The following CTNNBIP1 variants were observed in gnomAD, a reference collection of about 807,000 sequenced individuals.
The protein encoded by CTNNBIP1 is beta-catenin-interacting protein 1.
Under a neutral mutation model 11.8 loss-of-function variants are expected in CTNNBIP1, and 7 were observed. The ratio of observed to expected loss-of-function variants is 0.60; its 90% CI spans 0.34 to 1.12. CTNNBIP1 has a LOEUF of 1.12. Ranked by LOEUF, CTNNBIP1 falls within the 50% of genes most tolerant of loss-of-function variation. CTNNBIP1 has a pLI of 0.03. For missense variants in CTNNBIP1, 101 were observed against 113.4 expected (o/e 0.89, Z 0.50); for synonymous variants, 58 against 43.9 (o/e 1.32, Z -1.26).
rs113692145 is a variant in CTNNBIP1, at chr1:9,851,057, G to A, written c.188-281C>T. ...ACACAGCTGACAGGTGAGCCATGACGAGGCCCCAGGTGACCTGGAGCAGGG... is the reference window on the plus strand; with the variant it reads ...ACACAGCTGACAGGTGAGCCATGACAAGGCCCCAGGTGACCTGGAGCAGGG... On this transcript the variant is annotated intron_variant, in intron 5 of 5. Coordinates refer to ENST00000377263, the MANE Select transcript of CTNNBIP1 (RefSeq NM_020248.3). The surrounding 1 kb of genome is among the most constrained non-coding windows in gnomAD (Gnocchi z 4.8). Among the ~76,000 whole-genome samples the A allele has an allele frequency of 8.9e-3, 1,363 of 152,298 alleles. 19 individuals are homozygous for A. Among genetic ancestry groups the A allele is most frequent in the African/African-American group, 0.03 (1,258 of 41,544 alleles).
chr1:9,894,191 G>C (rs949613655), intron 1 of CTNNBIP1, among the ~76,000 whole-genome samples: 2 of 152,132 alleles, frequency 1.3e-5, no homozygotes, highest in Admixed American at 1.3e-4. Flanking sequence ...TTATGGCTCT[G>C]TGCTGTGGGT....
intron 1 of CTNNBIP1, among the ~76,000 whole-genome samples, chr1:9,891,570 G>A (rs989073750): frequency 6.6e-6 from 1 of 152,088 alleles, no homozygotes; most frequent in Non-Finnish European, 1.5e-5. Context: ...CCGGCTCTGG[G>A]GATGGTCATC....
At chr1:9,894,934 G>A (rs1437683744) in intron 1 of CTNNBIP1, among the ~76,000 whole-genome samples, 3 of 129,536 alleles carry the variant, frequency 2.3e-5, no homozygotes, top group East Asian at 2.3e-4. Context: ...TTGAGACAGA[G>A]TCTCACTCTG....
intron 1 of CTNNBIP1, among the ~76,000 whole-genome samples, chr1:9,898,117 CAA>C (rs779453301): frequency 2.9e-5 from 3 of 101,750 alleles, no homozygotes; most frequent in Admixed American, 1.0e-4. Context: ...TCTGTCTCAG[CAA>C]AAAAAAAAAA....
chr1:9,905,567 C>T (rs1427714088), intron 1 of CTNNBIP1, among the ~76,000 whole-genome samples: 2 of 151,996 alleles, frequency 1.3e-5, no homozygotes, highest in South Asian at 2.1e-4. Context: ...GGACTACAGG[C>T]GCCCGCCCCC....
At chr1:9,862,458 C>T (rs1415126006) in intron 5 of CTNNBIP1, among the ~76,000 whole-genome samples, 1 of 152,154 alleles carries the variant, frequency 6.6e-6, no homozygotes, top group African/African-American at 2.4e-5. Context: ...ATGCAAATTC[C>T]CAGGCTCATC....
rs979814683 is a variant in CTNNBIP1, at chr1:9,850,064, A to C, written c.*654T>G. The C allele has an allele frequency of 1.3e-5, 2 of 152,674 alleles. No individual in the cohort carries two copies. The highest frequency in any genetic ancestry group is 4.8e-5 in the African/African-American group (2 of 41,438). The allele number at this position is 152,674 out of a possible 1,614,324, so 9.5% of individuals were successfully genotyped here. ...GGAGTCACAGGTGAACCAATGGGAA[A>C]CCAAACACACGCATCGAAAGCCAAT... On this transcript the variant is annotated 3_prime_UTR_variant, in exon 6 of 6. Transcript: ENST00000377263.
At chr1:9,860,229 T>C (rs1028283819) in intron 5 of CTNNBIP1, among the ~76,000 whole-genome samples, 4 of 151,994 alleles carry the variant, frequency 2.6e-5, no homozygotes, top group Non-Finnish European at 5.9e-5. Context: ...CACAGCCCTG[T>C]ACAATGTCAC....
In CTNNBIP1 at chr1:9,867,642, T is replaced by C. The variant is rs1173971915; in HGVS notation, c.187+3545A>G. Among the ~76,000 whole-genome samples the C allele has an allele frequency of 6.6e-6, 1 of 152,202 alleles. No homozygotes were observed. Among genetic ancestry groups the C allele is most frequent in the African/African-American group, 2.4e-5 (1 of 41,440 alleles). ...ACCTAAAGCAGCCTGGAGCATTTGC[T>C]GAGAGACAGCGCCACCTAGTGGGCA... On this transcript the variant is annotated intron_variant, in intron 5 of 5. Coordinates refer to ENST00000377263, the MANE Select transcript of CTNNBIP1 (RefSeq NM_020248.3). The surrounding 1 kb of genome is among the most constrained non-coding windows in gnomAD (Gnocchi z 4.6).
In CTNNBIP1 at chr1:9,910,230, A is replaced by AGCCTCC. The variant is rs1230451649; in HGVS notation, c.-285_-280dup. ...TAGCAGCAGCAGGAGCGGCCGCCTC[A>AGCCTCC]GCCTCCGCCTCCCGCTCCGAGAGTC... is the stretch of plus-strand genomic sequence containing the variant. On this transcript the variant is annotated 5_prime_UTR_variant, in exon 1 of 6. Coordinates refer to ENST00000377263, the MANE Select transcript of CTNNBIP1 (RefSeq NM_020248.3). 7.5e-4 allele frequency: 111 copies of AGCCTCC among 147,484 alleles called. 2 individuals carry two copies. The highest frequency in any genetic ancestry group is 2.4e-3 in the African/African-American group (100 of 41,070). 9.1% of individuals were successfully genotyped at this position (147,484 alleles called of 1,614,324 possible). A position where few individuals can be genotyped will look rare whatever the true frequency, so the allele number is the denominator to read the frequency against.
chr1:9,890,896 A>T (rs1236833775), intron 1 of CTNNBIP1, among the ~76,000 whole-genome samples: 1 of 152,172 alleles, frequency 6.6e-6, no homozygotes, highest in Non-Finnish European at 1.5e-5. Context: ...GGAAGGGACC[A>T]CTTCCAGACC....
intron 1 of CTNNBIP1, among the ~76,000 whole-genome samples, chr1:9,901,122 A>C (rs1639512139): frequency 6.6e-6 from 1 of 152,224 alleles, no homozygotes. Flanking sequence ...AGAAATGTAA[A>C]ATTACAGAGA....
chr1:9,866,572 C>A (rs1291832832), intron 5 of CTNNBIP1, among the ~76,000 whole-genome samples: 3 of 151,410 alleles, frequency 2.0e-5, no homozygotes, highest in Non-Finnish European at 4.4e-5. Flanking sequence ...CCCAGCTACT[C>A]GGGAGGCTGA....
intron 5 of CTNNBIP1, among the ~76,000 whole-genome samples, chr1:9,857,186 T>TA (rs1638523208): frequency 6.8e-6 from 1 of 148,108 alleles, no homozygotes; most frequent in Non-Finnish European, 1.5e-5. Flanking sequence ...AACCCCAATT[T>TA]AAAAAAATGG....
chr1:9,905,800 T>C (rs542664649), intron 1 of CTNNBIP1, among the ~76,000 whole-genome samples: 7 of 152,300 alleles, frequency 4.6e-5, no homozygotes, highest in African/African-American at 1.7e-4. Flanking sequence ...GAAGATAAAC[T>C]TCATAAGAGC....
At chr1:9,864,810 T>C (rs1217839377) in intron 5 of CTNNBIP1, among the ~76,000 whole-genome samples, 3 of 152,216 alleles carry the variant, frequency 2.0e-5, no homozygotes, top group Non-Finnish European at 4.4e-5. Flanking sequence ...GGAAGGCACC[T>C]ATAGGTGGAG....
intron 1 of CTNNBIP1, among the ~76,000 whole-genome samples, chr1:9,905,718 C>T (rs1409514414): frequency 6.6e-6 from 1 of 152,038 alleles, no homozygotes; most frequent in Admixed American, 6.6e-5. Flanking sequence ...GCGTGAACCA[C>T]CGCGCCCGGC....
intron 5 of CTNNBIP1, among the ~76,000 whole-genome samples, chr1:9,860,843 A>T (rs905537159): frequency 1.3e-5 from 2 of 152,162 alleles, no homozygotes; most frequent in Non-Finnish European, 2.9e-5. Flanking sequence ...TACTCCTCCT[A>T]AAGAGGGTAA....
intron 3 of CTNNBIP1, among the ~76,000 whole-genome samples, chr1:9,875,979 G>A (rs1332008066): frequency 6.6e-6 from 1 of 152,200 alleles, no homozygotes; most frequent in Non-Finnish European, 1.5e-5. Context: ...GTCTCTGTTT[G>A]TTGCCTATAC....
Sources: allele counts gnomAD v4.1 joint callset (sites outside exome capture counted in the v4.1 genomes callset), GRCh38; gene constraint gnomAD v4.1.1; non-coding constraint Gnocchi (gnomAD v3.1); transcripts MANE v1.5; gene names NCBI Gene and HGNC (gene_info 2026-07-23, HGNC 2026-07-21).